The following SHLD2 variants were observed in gnomAD, a reference collection of about 807,000 sequenced individuals.
SHLD2 encodes RINN1-REV7-interacting novel NHEJ regulator 2.
A neutral mutation model predicts 73.2 loss-of-function variants in SHLD2; 30 were observed. The ratio of observed to expected loss-of-function variants is 0.41; its 90% CI spans 0.31 to 0.56. The LOEUF is 0.56. Among genes scored for constraint, SHLD2 ranks in the 20% least tolerant of loss-of-function variants. SHLD2 has a pLI of 0.28. For synonymous variants in SHLD2, 285 were observed against 370.1 expected (o/e 0.77, Z 2.64); for missense variants, 745 against 1,055.9 (o/e 0.71, Z 4.08).
intron 1 of SHLD2, among the ~76,000 whole-genome samples, chr10:87,096,191 C>T (rs1458973092): frequency 6.6e-6 from 1 of 151,986 alleles, no homozygotes; most frequent in Non-Finnish European, 1.5e-5. Context: ...ATTACAGGCC[C>T]GCGCCACCAC....
At chr10:87,135,023 T>G (rs1844703010) in intron 2 of SHLD2, among the ~76,000 whole-genome samples, 1 of 152,160 alleles carries the variant, frequency 6.6e-6, no homozygotes, top group Non-Finnish European at 1.5e-5. Context: ...TTTTTTTTTC[T>G]TTCTTTTTTA....
At chr10:87,189,637 A>G (rs1219434074) in intron 9 of SHLD2, among the ~76,000 whole-genome samples, 2 of 152,224 alleles carry the variant, frequency 1.3e-5, no homozygotes, top group Non-Finnish European at 2.9e-5. Flanking sequence ...GATAATTGTC[A>G]AGGGGTTAGT....
intron 2 of SHLD2, among the ~76,000 whole-genome samples, chr10:87,097,756 G>A (rs1467443218): frequency 6.6e-6 from 1 of 151,904 alleles, no homozygotes; most frequent in African/African-American, 2.4e-5. Flanking sequence ...AAATCATCAT[G>A]GTTTTGTTTT....
intron 2 of SHLD2, among the ~76,000 whole-genome samples, chr10:87,138,568 A>G (rs1224743002): frequency 2.6e-5 from 4 of 152,224 alleles, no homozygotes; most frequent in African/African-American, 9.6e-5. Context: ...GTGATTATAC[A>G]ACCATGAAAG....
chr10:87,133,679 AGC>A, intron 2 of SHLD2, among the ~76,000 whole-genome samples: 1 of 152,268 alleles, frequency 6.6e-6, no homozygotes, highest in East Asian at 1.9e-4. Context: ...AGAACGATAT[AGC>A]TGGAAAAAGT....
chr10:87,189,066 A>G (rs1848840676), intron 9 of SHLD2, among the ~76,000 whole-genome samples: 1 of 143,664 alleles, frequency 7.0e-6, no homozygotes, highest in African/African-American at 2.6e-5. Flanking sequence ...CTGTGGTGCG[A>G]TCTCAGTTCA....
chr10:87,122,173 C>CAAAA (rs10706744), intron 2 of SHLD2, among the ~76,000 whole-genome samples: 35 of 86,380 alleles, frequency 4.1e-4, no homozygotes, highest in Non-Finnish European at 5.3e-4. Flanking sequence ...CACTGACTGT[C>CAAAA]AAAAAAAAAA....
At chr10:87,126,718 C>T (rs1844035818) in intron 2 of SHLD2, among the ~76,000 whole-genome samples, 1 of 151,970 alleles carries the variant, frequency 6.6e-6, no homozygotes, top group African/African-American at 2.4e-5. Context: ...TTGTTACATC[C>T]GTGGAATAGC....
At chr10:87,188,845 A>G (rs1848809975) in intron 9 of SHLD2, among the ~76,000 whole-genome samples, 1 of 152,078 alleles carries the variant, frequency 6.6e-6, no homozygotes. Context: ...TTTTTCCAGT[A>G]ACTGTTAGGG....
intron 2 of SHLD2, among the ~76,000 whole-genome samples, chr10:87,106,026 G>A (rs1285134381): frequency 2.0e-5 from 3 of 152,194 alleles, no homozygotes; most frequent in Non-Finnish European, 4.4e-5. Flanking sequence ...GTTTTGAGAC[G>A]GAGTCTTGCT....
Position 87,187,101 on chromosome 10 carries a change from G to A in SHLD2, c.2416G>A (p.Ala806Thr). ...KIYYRPALMT[A>T]IDGRHDVCIR... The stretch of plus-strand genomic sequence containing the variant: ...CTTTTGTAGGCCAGCGTTAATGACT[G>A]CCATTGATGGAAGACATGATGTTTG... The change falls in exon 9 of 10, where the codon GCC becomes ACC. Residue 806 changes from alanine (A) to threonine (T), a missense_variant. Physicochemically the swap from Ala to Thr is moderately conservative, Grantham distance 58. Transcript: ENST00000298786. The A allele has an allele frequency of 6.2e-7, 1 of 1,611,304 alleles. No individual in the cohort carries two copies. The highest frequency in any genetic ancestry group is 8.5e-7 in the Non-Finnish European group (1 of 1,177,592).
At chr10:87,161,268 AAAAAAG>A (rs1183718580) in intron 4 of SHLD2, among the ~76,000 whole-genome samples, 5 of 151,980 alleles carry the variant, frequency 3.3e-5, no homozygotes, top group East Asian at 1.9e-4. Flanking sequence ...CCTGGGCTAC[AAAAAAG>A]AAAAAGAAAA....
chr10:87,124,736 TA>T (rs1298213443), intron 2 of SHLD2, among the ~76,000 whole-genome samples: 1 of 146,236 alleles, frequency 6.8e-6, no homozygotes, highest in Non-Finnish European at 1.5e-5. Flanking sequence ...TCATTATAGT[TA>T]AAAAAATTGT....
upstream of SHLD2, chr10:87,095,160 A>AGGGCGGGGCG (rs1841717913): frequency 3.0e-5 from 1 of 33,096 alleles, no homozygotes; most frequent in Admixed American, 3.1e-4. Flanking sequence ...AGGGAGGGGA[A>AGGGCGGGGCG]GGTCGGGGCG....
intron 4 of SHLD2, among the ~76,000 whole-genome samples, chr10:87,160,595 C>CT (rs1268847337): frequency 6.6e-6 from 1 of 151,970 alleles, no homozygotes; most frequent in African/African-American, 2.4e-5. Flanking sequence ...TAGAAAAGCA[C>CT]TCGAGGCATT....
intron 2 of SHLD2, among the ~76,000 whole-genome samples, chr10:87,115,881 G>A (rs1843224570): frequency 6.6e-6 from 1 of 152,134 alleles, no homozygotes; most frequent in South Asian, 2.1e-4. Flanking sequence ...GATCTGAGAG[G>A]TGGAAGGAGG....
At chr10:87,126,624 A>G (rs1363031153) in intron 2 of SHLD2, among the ~76,000 whole-genome samples, 2 of 152,176 alleles carry the variant, frequency 1.3e-5, no homozygotes, top group Non-Finnish European at 2.9e-5. Flanking sequence ...GTTTTATATT[A>G]TTAAAACTCA....
chr10:87,109,731 A>G (rs1428313972), intron 2 of SHLD2, among the ~76,000 whole-genome samples: 1 of 152,136 alleles, frequency 6.6e-6, no homozygotes, highest in Non-Finnish European at 1.5e-5. Context: ...AGTGTGAGAG[A>G]ACTGTACTTA....
chr10:87,120,914 G>C lies in SHLD2; in HGVS notation c.-6+23925G>C, dbSNP rs377064820. ...AAAAATACAAAATTAGCTGGGTGTG[G>C]TGGTGCATACCTGTAATCCCAGCTA... is the stretch of plus-strand genomic sequence containing the variant. On this transcript the variant is annotated intron_variant, in intron 2 of 9. Coordinates refer to ENST00000298786, the MANE Select transcript of SHLD2 (RefSeq NM_001330112.2). Among the ~76,000 whole-genome samples the C allele has an allele frequency of 3.3e-5, 5 of 152,048 alleles. No individual in the cohort carries two copies. In the East Asian group the frequency reaches 9.9e-4, roughly 30 times the overall value.
Sources: gnomAD v4.1 joint callset for allele counts (sites outside exome capture counted in the v4.1 genomes callset) on GRCh38, gnomAD v4.1.1 for gene constraint, MANE v1.5 for transcripts, NCBI Gene and HGNC (gene_info 2026-07-23, HGNC 2026-07-21) for gene names.